SLC22A23: variants seen among roughly 807,000 people sequenced by gnomAD.
SLC22A23 encodes the protein ion transporter protein.
SLC22A23 carries 26 observed loss-of-function variants against 61.0 expected under a neutral mutation model. That is an observed-to-expected ratio of 0.43 (90% CI 0.31 to 0.59). The LOEUF (loss-of-function observed/expected upper bound fraction) is 0.59, where lower values mean the gene tolerates loss of function less well. SLC22A23 is among the 20% of genes least tolerant of loss of function. The pLI is 0.11. For missense variants in SLC22A23, 796 were observed against 934.7 expected (o/e 0.85, Z 1.94); for synonymous variants, 430 against 413.9 (o/e 1.04, Z -0.47).
chr6:3,292,241 C>G (rs182002274), intron 5 of SLC22A23, among the ~76,000 whole-genome samples: 1 of 152,188 alleles, frequency 6.6e-6, no homozygotes, highest in African/African-American at 2.4e-5. Flanking sequence ...TTCTGGAGGC[C>G]GTGCCGAGTT....
intron 1 of SLC22A23, among the ~76,000 whole-genome samples, chr6:3,448,428 C>T (rs1160958004): frequency 6.6e-6 from 1 of 152,202 alleles, no homozygotes; most frequent in African/African-American, 2.4e-5. Context: ...AGCTGGCTCC[C>T]ACACACCACC....
At chr6:3,415,913 C>A in intron 1 of SLC22A23, 58 bp from the exon 2 acceptor site, 1 of 1,318,054 alleles carries the variant, frequency 7.6e-7, no homozygotes, top group Non-Finnish European at 1.1e-6. Flanking sequence ...GCTAGTCGTA[C>A]TCAATTATAA....
At chr6:3,434,673 G>A (rs1320235885) in intron 1 of SLC22A23, among the ~76,000 whole-genome samples, 1 of 152,164 alleles carries the variant, frequency 6.6e-6, no homozygotes, top group African/African-American at 2.4e-5. Flanking sequence ...ATATCTGATG[G>A]ATTGCGAGGA....
chr6:3,418,600 T>C (rs1443778015), intron 1 of SLC22A23, among the ~76,000 whole-genome samples: 2 of 152,210 alleles, frequency 1.3e-5, no homozygotes, highest in African/African-American at 4.8e-5. Flanking sequence ...TGGTTAGAAG[T>C]ATTGCTGGCT....
At chr6:3,274,053 C>A (rs937591611) in intron 9 of SLC22A23, among the ~76,000 whole-genome samples, 5 of 152,198 alleles carry the variant, frequency 3.3e-5, no homozygotes, top group African/African-American at 1.2e-4. Flanking sequence ...TGTGCACTGA[C>A]AGAGAGGAAC....
intron 8 of SLC22A23, 175 bp downstream of exon 8, chr6:3,284,904 G>A (rs1375655036): frequency 4.5e-5 from 69 of 1,537,804 alleles, no homozygotes; most frequent in Non-Finnish European, 5.5e-5. Flanking sequence ...AGGCAAGAGG[G>A]AGAATACAAA....
At chr6:3,362,945 G>A (rs1010575785) in intron 3 of SLC22A23, among the ~76,000 whole-genome samples, 4 of 152,142 alleles carry the variant, frequency 2.6e-5, no homozygotes, top group Admixed American at 6.5e-5. Flanking sequence ...TATTAAATAG[G>A]CTTGGCCAAT....
At chr6:3,382,169 G>C (rs1766993077) in intron 3 of SLC22A23, among the ~76,000 whole-genome samples, 1 of 152,166 alleles carries the variant, frequency 6.6e-6, no homozygotes, top group South Asian at 2.1e-4. Context: ...AGAGTGACAG[G>C]GTTGAGCCAC....
At chr6:3,409,250 A>AGAAGGC (rs1769043694) in intron 3 of SLC22A23, among the ~76,000 whole-genome samples, 1 of 152,246 alleles carries the variant, frequency 6.6e-6, no homozygotes, top group South Asian at 2.1e-4. Context: ...ATCTAGAAGA[A>AGAAGGC]TATACCGGTA....
intron 4 of SLC22A23, among the ~76,000 whole-genome samples, chr6:3,305,696 T>C (rs1219571121): frequency 1.3e-5 from 2 of 152,198 alleles, no homozygotes; most frequent in East Asian, 3.8e-4. Context: ...AATTGATGAC[T>C]TTCAACAAAA....
intron 3 of SLC22A23, among the ~76,000 whole-genome samples, chr6:3,341,441 T>C (rs6917161): frequency 0.83 from 126,229 of 152,078 alleles, 53,141 homozygotes; most frequent in African/African-American, 0.96. Context: ...TAGAAAACTC[T>C]GAGGTGGATG....
At chr6:3,439,300 G>A (rs1209731716) in intron 1 of SLC22A23, 5 of 449,224 alleles carry the variant, frequency 1.1e-5, no homozygotes, top group South Asian at 4.7e-5. Flanking sequence ...ATCATACCCC[G>A]TGGAAAGTGT....
intron 7 of SLC22A23, 45 bp from the exon 8 acceptor site, chr6:3,285,156 CAAGCGAG>C (rs760126610): frequency 7.6e-5 from 122 of 1,610,908 alleles, no homozygotes; most frequent in South Asian, 3.6e-4. Context: ...AAGGGCCAAG[CAAGCGAG>C]AAGAGAGAAG....
rs1759869240 is a variant in SLC22A23, at chr6:3,285,165, A to G, written c.1547-54T>C. ...ACGGACAAGGGCCAAGCAAGCGAGA[A>G]GAGAGAAGAGAGCACATTAGGTGTG... On this transcript the variant is annotated intron_variant, in intron 7 of 9. Coordinates refer to ENST00000406686, the MANE Select transcript of SLC22A23 (RefSeq NM_015482.2). 3.1e-6 allele frequency: 5 copies of G among 1,606,162 alleles called. No homozygotes were observed. The East Asian group carries it at 1.1e-4, about 36-fold the overall frequency.
chr6:3,298,272 G>A (rs370321932), intron 4 of SLC22A23, 54 bp from the exon 5 acceptor site: 2 of 1,551,498 alleles, frequency 1.3e-6, no homozygotes, highest in Non-Finnish European at 1.7e-6. Flanking sequence ...CACGGCACCG[G>A]GAAGTGTGGC....
At position 3,405,012 on chromosome 6, in the gene SLC22A23, G is replaced by A. The variant is rs571650233; in HGVS notation, c.913+5176C>T. Among the ~76,000 whole-genome samples the A allele has an allele frequency of 3.7e-4, 57 of 152,088 alleles. No homozygotes were observed. The South Asian group carries it at 0.012, about 31-fold the overall frequency. ...GCGGTGGCTCATGCCTGTAATCCTG[G>A]CACTTTGGGAGGCCGAGGCGGGCGG... On this transcript the variant is annotated intron_variant, in intron 3 of 9. Transcript: ENST00000406686.
At chr6:3,435,189 C>T (rs1209739943) in intron 1 of SLC22A23, among the ~76,000 whole-genome samples, 1 of 152,104 alleles carries the variant, frequency 6.6e-6, no homozygotes, top group Non-Finnish European at 1.5e-5. Context: ...CTATAAGCCA[C>T]AGAGAAGCCA....
At chr6:3,376,075 C>T (rs569088415) in intron 3 of SLC22A23, among the ~76,000 whole-genome samples, 3 of 152,318 alleles carry the variant, frequency 2.0e-5, no homozygotes, top group Non-Finnish European at 2.9e-5. Context: ...CATTGCTTTT[C>T]AGGCAATAAA....
chr6:3,296,484 C>G (rs529512383), intron 5 of SLC22A23, among the ~76,000 whole-genome samples: 7 of 152,170 alleles, frequency 4.6e-5, no homozygotes, highest in Admixed American at 4.6e-4. Flanking sequence ...AAATAATACA[C>G]GTGAAGCACT....
Sources: allele counts gnomAD v4.1 joint callset (sites outside exome capture counted in the v4.1 genomes callset), GRCh38; gene constraint gnomAD v4.1.1; transcripts MANE v1.5; gene names NCBI Gene and HGNC (gene_info 2026-07-23, HGNC 2026-07-21).